The following MYRIP variants were observed in gnomAD, a reference collection of about 807,000 sequenced individuals.
The protein encoded by MYRIP is rab effector MyRIP.
MYRIP carries 49 observed loss-of-function variants against 98.0 expected under a neutral mutation model. That is an observed-to-expected ratio of 0.50 (90% CI 0.40 to 0.63). MYRIP has a LOEUF of 0.63. MYRIP is among the 30% of genes least tolerant of loss of function. The pLI is 0.00. For missense variants in MYRIP, 1,004 were observed against 1,058.2 expected (o/e 0.95, Z 0.71); for synonymous variants, 404 against 409.5 (o/e 0.99, Z 0.16).
intron 2 of MYRIP, among the ~76,000 whole-genome samples, chr3:39,973,499 AG>A (rs1478282350): frequency 4.6e-5 from 7 of 152,172 alleles, no homozygotes; most frequent in African/African-American, 1.7e-4. Flanking sequence ...TCAACGAGAC[AG>A]AAAGTTAACA....
intron 13 of MYRIP, 22 bp downstream of exon 13, chr3:40,244,629 C>G: frequency 6.3e-7 from 1 of 1,598,382 alleles, no homozygotes; most frequent in Non-Finnish European, 8.5e-7. Flanking sequence ...CCTCTCTGCC[C>G]ACATGGGTCC....
intron 3 of MYRIP, among the ~76,000 whole-genome samples, chr3:40,065,618 G>T (rs1218537492): frequency 2.0e-5 from 3 of 152,180 alleles, no homozygotes; most frequent in Non-Finnish European, 1.5e-5. Flanking sequence ...ACAGGAAGAT[G>T]TTACATAGGC....
At position 40,167,154 on chromosome 3, in the gene MYRIP, C is replaced by T; in HGVS notation, c.649-5C>T. On this transcript the variant is annotated splice_polypyrimidine_tract_variant and splice_region_variant and intron_variant, in intron 6 of 16. Transcript: ENST00000302541. ...CAGCACACAGCCATTCTCTTCCCTC[C>T]TCAGGACAAGCAAAATGAGGCCAGT... is the stretch of plus-strand genomic sequence containing the variant. 6.2e-7 allele frequency: 1 copy of T among 1,614,128 alleles called. No homozygotes were observed. The highest frequency in any genetic ancestry group is 8.5e-7 in the Non-Finnish European group (1 of 1,179,998).
chr3:39,889,268 T>A (rs1943411203), intron 1 of MYRIP, among the ~76,000 whole-genome samples: 1 of 152,146 alleles, frequency 6.6e-6, no homozygotes, highest in South Asian at 2.1e-4. Flanking sequence ...AGCAAAGACT[T>A]GGAACCAACC....
chr3:40,053,347 G>A (rs938324830), intron 3 of MYRIP, among the ~76,000 whole-genome samples: 5 of 152,168 alleles, frequency 3.3e-5, no homozygotes, highest in African/African-American at 1.2e-4. Context: ...TAACCACAGA[G>A]CTCAATCTGA....
intron 8 of MYRIP, 82 bp from the exon 9 acceptor site, chr3:40,182,138 T>C (rs530573090): frequency 1.4e-6 from 2 of 1,401,882 alleles, no homozygotes. Flanking sequence ...TGCTGGACAA[T>C]GTCTGCCCCC....
chr3:40,000,816 T>C (rs1454176143), intron 2 of MYRIP, among the ~76,000 whole-genome samples: 2 of 152,166 alleles, frequency 1.3e-5, no homozygotes, highest in Non-Finnish European at 2.9e-5. Flanking sequence ...TAGTATTCTG[T>C]GAGGTTTAAT....
At chr3:39,948,627 A>G (rs1210066198) in intron 2 of MYRIP, among the ~76,000 whole-genome samples, 2 of 152,134 alleles carry the variant, frequency 1.3e-5, no homozygotes, top group Non-Finnish European at 2.9e-5. Context: ...GAAGTAAGAA[A>G]CAGATGATAA....
chr3:40,097,093 C>T (rs939364867), intron 3 of MYRIP, among the ~76,000 whole-genome samples: 6 of 152,182 alleles, frequency 3.9e-5, no homozygotes, highest in South Asian at 2.1e-4. Context: ...AAACCAACCA[C>T]GACCAAAAGA....
At chr3:40,160,430 G>A (rs971203297) in intron 4 of MYRIP, among the ~76,000 whole-genome samples, 12 of 152,226 alleles carry the variant, frequency 7.9e-5, no homozygotes, top group African/African-American at 2.9e-4. Context: ...GTCTGCAGAG[G>A]TTACTGCTGT....
chr3:39,870,442 G>A (rs989827458), intron 1 of MYRIP, among the ~76,000 whole-genome samples: 1 of 152,168 alleles, frequency 6.6e-6, no homozygotes, highest in South Asian at 2.1e-4. Flanking sequence ...TAATATTTTC[G>A]TTTAGCTAGA....
chr3:40,031,980 C>T (rs563982968), intron 2 of MYRIP, among the ~76,000 whole-genome samples: 1 of 152,172 alleles, frequency 6.6e-6, no homozygotes, highest in Non-Finnish European at 1.5e-5. Context: ...TTTTGTGTCT[C>T]TATTTCCTTC....
At chr3:39,861,612 G>A (rs754665251) in intron 1 of MYRIP, among the ~76,000 whole-genome samples, 26 of 152,180 alleles carry the variant, frequency 1.7e-4, no homozygotes, top group Non-Finnish European at 3.4e-4. Context: ...AATGATACAG[G>A]AGATGAAATA....
chr3:39,900,027 G>A (rs1943707497), intron 1 of MYRIP, among the ~76,000 whole-genome samples: 1 of 152,142 alleles, frequency 6.6e-6, no homozygotes, highest in Non-Finnish European at 1.5e-5. Context: ...CACCATGTTG[G>A]CCAGGCTGGT....
At chr3:40,207,251 T>C (rs1951812458) in intron 10 of MYRIP, among the ~76,000 whole-genome samples, 1 of 152,190 alleles carries the variant, frequency 6.6e-6, no homozygotes, top group Admixed American at 6.5e-5. Flanking sequence ...CTGGGTCCTA[T>C]TGGTCTTGCT....
rs190908766 is a variant in MYRIP at position 40,173,138 on chromosome 3, C to A, written c.873+3045C>A. 4 of 152,244 alleles carry A rather than the reference C, an allele frequency of 2.6e-5. No homozygotes were observed. The East Asian group carries it at 5.8e-4, about 22-fold the overall frequency. The allele number at this position is 152,244 out of a possible 1,614,324, so 9.4% of individuals were successfully genotyped here. Reference sequence around the variant, plus strand: ...GGTATCTATAGTAATAACACAGGACCAATACCTTTTCTTTATATAAATTTT... The same window carrying A: ...GGTATCTATAGTAATAACACAGGACAAATACCTTTTCTTTATATAAATTTT... On this transcript the variant is annotated intron_variant, in intron 8 of 16. Transcript: ENST00000302541.
At chr3:40,255,271 C>A (rs940374229) in intron 16 of MYRIP, among the ~76,000 whole-genome samples, 2 of 152,040 alleles carry the variant, frequency 1.3e-5, no homozygotes, top group African/African-American at 4.8e-5. Context: ...TTGGTGGCTG[C>A]CAGAGGTTGT....
At chr3:40,226,206 T>G (rs1952484011) in intron 11 of MYRIP, among the ~76,000 whole-genome samples, 1 of 152,234 alleles carries the variant, frequency 6.6e-6, no homozygotes, top group African/African-American at 2.4e-5. Flanking sequence ...TCATGATGCA[T>G]GAGAAAAGGA....
At chr3:40,226,613 C>A (rs1051976952) in intron 11 of MYRIP, among the ~76,000 whole-genome samples, 4 of 152,188 alleles carry the variant, frequency 2.6e-5, no homozygotes, top group Non-Finnish European at 4.4e-5. Flanking sequence ...ACCAGGCAGA[C>A]CCTAATACAA....
Sources: allele counts gnomAD v4.1 joint callset (sites outside exome capture counted in the v4.1 genomes callset), GRCh38; gene constraint gnomAD v4.1.1; transcripts MANE v1.5; gene names NCBI Gene and HGNC (gene_info 2026-07-23, HGNC 2026-07-21).